Variants in MSN observed in about 807,000 individuals in gnomAD.
MSN encodes the protein moesin.
MSN carries 2 observed loss-of-function variants against 48.0 expected under a neutral mutation model. That is an observed-to-expected ratio of 0.04 (90% CI 0.02 to 0.13). MSN has a LOEUF of 0.13. Among genes scored for constraint, MSN ranks in the 10% least tolerant of loss-of-function variants. MSN has a pLI of 1.00. For missense variants in MSN, 267 were observed against 470.1 expected (o/e 0.57, Z 3.99); for synonymous variants, 146 against 166.9 (o/e 0.87, Z 0.97).
upstream of MSN, among the ~76,000 whole-genome samples, chrX:65,664,075 A>G (rs2070847583): frequency 9.1e-6 from 1 of 109,932 alleles, no homozygotes; most frequent in Non-Finnish European, 1.9e-5. Flanking sequence ...AAAAAAAAAA[A>G]GAAAGAAATA....
intron 1 of MSN, among the ~76,000 whole-genome samples, chrX:65,613,532 A>G (rs778793971): frequency 8.9e-6 from 1 of 112,706 alleles, no homozygotes; most frequent in African/African-American, 3.2e-5. Context: ...CCTCTACAGC[A>G]TCTGTTTCCT....
chrX:65,628,257 A>G (rs2070524691), intron 1 of MSN, among the ~76,000 whole-genome samples: 1 of 112,906 alleles, frequency 8.9e-6, no homozygotes, highest in East Asian at 2.8e-4. Context: ...GAAGTTCTCT[A>G]TGAGGGCTCC....
Position 65,737,246 on chromosome X carries a change from G to A in MSN, c.1159G>A (p.Glu387Lys). ...ACGGAAGCGTGCCCAGAGCGAGGCT[G>A]AAAAGCTGGCCAAGGAGCGTCAAGA... ...QERKRAQSEAEKLAKERQEAE... is the reference protein window; with the variant it reads ...QERKRAQSEAKKLAKERQEAE... Residue 387 changes from glutamate to lysine, a missense_variant, in exon 10 of 13, where the codon GAA becomes AAA. Glu to Lys is a moderately conservative substitution (Grantham distance 56). Transcript: ENST00000360270. 8.3e-7 allele frequency: 1 copy of A among 1,210,736 alleles called. No individual in the cohort carries two copies. The highest frequency in any genetic ancestry group is 1.8e-5 in the South Asian group (1 of 56,632).
chrX:65,591,476 G>A (rs1005348228), intron 1 of MSN, among the ~76,000 whole-genome samples: 4 of 111,904 alleles, frequency 3.6e-5, no homozygotes, highest in Non-Finnish European at 5.6e-5. Flanking sequence ...CTGTGGCCCT[G>A]GCTCGCCAGA....
chrX:65,604,604 G>T (rs1393399876), intron 1 of MSN, among the ~76,000 whole-genome samples: 1 of 111,567 alleles, frequency 9.0e-6, no homozygotes, highest in Non-Finnish European at 1.9e-5. Context: ...GAAAGGGATT[G>T]AACTAAACAT....
intron 1 of MSN, among the ~76,000 whole-genome samples, chrX:65,594,918 C>T (rs747130379): frequency 9.0e-6 from 1 of 111,695 alleles, no homozygotes; most frequent in Non-Finnish European, 1.9e-5. Context: ...TTAGTATGCA[C>T]CTGTTTCTGT....
chrX:65,696,755 T>G (rs1281934291), intron 1 of MSN, among the ~76,000 whole-genome samples: 1 of 111,553 alleles, frequency 9.0e-6, no homozygotes, highest in African/African-American at 3.3e-5. Context: ...AATTGTTAGC[T>G]GAGCTTGTGG....
At chrX:65,723,469 A>G (rs1348686187) in intron 2 of MSN, among the ~76,000 whole-genome samples, 1 of 111,007 alleles carries the variant, frequency 9.0e-6, no homozygotes, top group Non-Finnish European at 1.9e-5. Flanking sequence ...ACTGGCTCAG[A>G]TCCGATAAGC....
intron 1 of MSN, among the ~76,000 whole-genome samples, chrX:65,659,742 T>C (rs2070808322): frequency 9.0e-6 from 1 of 111,610 alleles, no homozygotes; most frequent in East Asian, 2.8e-4. Context: ...CTGTCTCCCT[T>C]AGAACTTTCT....
At chrX:65,665,147 G>A (rs2070857497), upstream of MSN, among the ~76,000 whole-genome samples, 1 of 111,514 alleles carries the variant, frequency 9.0e-6, no homozygotes, top group Admixed American at 9.5e-5. Flanking sequence ...CATGGGAGGT[G>A]GGGAATGACA....
intron 1 of MSN, among the ~76,000 whole-genome samples, chrX:65,672,863 G>A (rs1333072629): frequency 9.0e-6 from 1 of 111,692 alleles, no homozygotes; most frequent in Non-Finnish European, 1.9e-5. Flanking sequence ...CATTCCTTCA[G>A]ACATTCTTTC....
chrX:65,612,867 G>GTTT (rs1569453866), intron 1 of MSN, among the ~76,000 whole-genome samples: 9,019 of 103,190 alleles, frequency 0.087, 1,046 homozygotes, highest in African/African-American at 0.31. Flanking sequence ...TTTTTTTTTG[G>GTTT]GGGGGGGTAC....
chrX:65,616,900 A>T (rs2070378307), intron 1 of MSN, among the ~76,000 whole-genome samples: 1 of 110,907 alleles, frequency 9.0e-6, no homozygotes, highest in African/African-American at 3.3e-5. Context: ...TAATTTATTG[A>T]GAGTTTTTAG....
chrX:65,668,028 G>A (rs2148382698), intron 1 of MSN, among the ~76,000 whole-genome samples, 175 bp downstream of exon 1: 1 of 112,430 alleles, frequency 8.9e-6, no homozygotes, highest in Non-Finnish European at 1.9e-5. Context: ...GCGCCCTCAG[G>A]GGTTGAGGGG....
intron 1 of MSN, among the ~76,000 whole-genome samples, chrX:65,705,785 C>T (rs2071356301): frequency 9.0e-6 from 1 of 111,527 alleles, no homozygotes; most frequent in Admixed American, 9.5e-5. Flanking sequence ...TGAGGAGCTT[C>T]GGATGACAGG....
At chrX:65,705,983 A>G (rs1408694296) in intron 1 of MSN, among the ~76,000 whole-genome samples, 1 of 111,845 alleles carries the variant, frequency 8.9e-6, no homozygotes, top group Non-Finnish European at 1.9e-5. Flanking sequence ...TATGGGCTGT[A>G]TTGAGAGTCT....
chrX:65,693,607 A>G (rs950839879), intron 1 of MSN, among the ~76,000 whole-genome samples: 5 of 112,123 alleles, frequency 4.5e-5, no homozygotes, highest in African/African-American at 1.3e-4. Context: ...AGTCTCATCA[A>G]CATTGCTCAA....
intron 1 of MSN, among the ~76,000 whole-genome samples, chrX:65,687,334 C>T (rs1000837576): frequency 3.6e-5 from 4 of 111,321 alleles, no homozygotes; most frequent in Admixed American, 1.9e-4. Flanking sequence ...GGTGACAGAG[C>T]GAGACTCTCT....
intron 1 of MSN, among the ~76,000 whole-genome samples, chrX:65,589,995 A>G (rs1042049260): frequency 9.1e-6 from 1 of 109,946 alleles, no homozygotes. Flanking sequence ...CCTCCCAAGT[A>G]GCTGGGATTA....
Sources: allele counts gnomAD v4.1 joint callset (sites outside exome capture counted in the v4.1 genomes callset), GRCh38; gene constraint gnomAD v4.1.1; transcripts MANE v1.5; gene names NCBI Gene and HGNC (gene_info 2026-07-23, HGNC 2026-07-21).